ZNF827: variants seen among roughly 807,000 people sequenced by gnomAD.
The protein encoded by ZNF827 is zinc finger protein 827.
A neutral mutation model predicts 102.4 loss-of-function variants in ZNF827; 13 were observed. The ratio of observed to expected loss-of-function variants is 0.13; its 90% CI spans 0.08 to 0.20. ZNF827 has a LOEUF of 0.20. ZNF827 is among the 10% of genes least tolerant of loss of function. The pLI, the probability that ZNF827 is intolerant of heterozygous loss-of-function variation, is 1.00. For missense variants in ZNF827, 1,103 were observed against 1,344.4 expected, an observed-to-expected ratio of 0.82 and a Z score of 2.81; for synonymous variants, 523 against 536.2, an observed-to-expected ratio of 0.98 and a Z score of 0.34.
intron 3 of ZNF827, among the ~76,000 whole-genome samples, chr4:145,890,115 G>A (rs1223738350): frequency 1.3e-5 from 2 of 151,890 alleles, no homozygotes; most frequent in Admixed American, 6.6e-5. Flanking sequence ...CAAAATTAAA[G>A]TATTTTAACC....
chr4:145,902,436 C>T lies in ZNF827; in HGVS notation c.823G>A (p.Ala275Thr), dbSNP rs1297149355. 1 of 1,614,152 alleles carries T rather than the reference C, an allele frequency of 6.2e-7. No homozygotes were observed. The highest frequency in any genetic ancestry group is 2.2e-5 in the East Asian group (1 of 44,880). The change falls in exon 2 of 15, where the codon GCC becomes ACC. Residue 275 changes from alanine to threonine, a missense_variant. Physicochemically the swap from Ala to Thr is moderately conservative, Grantham distance 58. Coordinates refer to ENST00000508784, the MANE Select transcript of ZNF827 (RefSeq NM_001306215.2). The surrounding 1 kb of genome is among the most constrained non-coding windows in gnomAD (Gnocchi z 4.3). ...GAAGCCAGGGAAAGGAAGGAGCTGGCCGGTGGAGGGTGCTCCTGACCAGGA... is the reference window on the plus strand; with the variant it reads ...GAAGCCAGGGAAAGGAAGGAGCTGGTCGGTGGAGGGTGCTCCTGACCAGGA... ...LTPGQEHPPPASSFLSLASMT... is the reference protein window; with the variant it reads ...LTPGQEHPPPTSSFLSLASMT...
intron 7 of ZNF827, among the ~76,000 whole-genome samples, chr4:145,835,733 A>G (rs1744771691): frequency 8.4e-6 from 1 of 118,420 alleles, no homozygotes; most frequent in Non-Finnish European, 1.7e-5. Flanking sequence ...ACTCAACGCC[A>G]GTATCCCATC....
chr4:145,935,096 C>G (rs1011759884), intron 1 of ZNF827, among the ~76,000 whole-genome samples: 3 of 152,124 alleles, frequency 2.0e-5, no homozygotes, highest in Non-Finnish European at 4.4e-5. Flanking sequence ...CTTTTAGAGT[C>G]AACTTTTAAA....
intron 5 of ZNF827, among the ~76,000 whole-genome samples, chr4:145,856,979 GCGCACGCACA>G (rs1275117276): frequency 2.0e-5 from 2 of 100,260 alleles, no homozygotes; most frequent in Non-Finnish European, 4.0e-5. Flanking sequence ...GCGCGCGCAC[GCGCACGCACA>G]CACACACACA....
chr4:145,776,789 C>A (rs2126955454), intron 9 of ZNF827, among the ~76,000 whole-genome samples: 1 of 152,256 alleles, frequency 6.6e-6, no homozygotes, highest in South Asian at 2.1e-4. Flanking sequence ...GGAAAAAATG[C>A]TGTGTGAAAT....
chr4:145,820,880 A>G (rs947875628), intron 8 of ZNF827, among the ~76,000 whole-genome samples: 2 of 152,230 alleles, frequency 1.3e-5, no homozygotes, highest in African/African-American at 4.8e-5. Context: ...GAAATGTTCT[A>G]TAAGAACCCA....
intron 8 of ZNF827, among the ~76,000 whole-genome samples, chr4:145,810,610 T>C (rs762537154): frequency 2.8e-4 from 43 of 152,374 alleles, no homozygotes; most frequent in Non-Finnish European, 5.1e-4. Context: ...AGCTATTATG[T>C]ACACATAAAT....
chr4:145,850,816 G>A (rs1746454280), intron 5 of ZNF827, among the ~76,000 whole-genome samples: 1 of 152,190 alleles, frequency 6.6e-6, no homozygotes, highest in Admixed American at 6.5e-5. Flanking sequence ...AGAGTAGTGG[G>A]TTGAATTGTG....
At chr4:145,931,915 C>T (rs1753836003) in intron 1 of ZNF827, among the ~76,000 whole-genome samples, 1 of 152,172 alleles carries the variant, frequency 6.6e-6, no homozygotes, top group Admixed American at 6.5e-5. Flanking sequence ...TGGTGTCCCC[C>T]CCAAATTCAT....
At chr4:145,878,220 A>G (rs1276679072) in intron 4 of ZNF827, among the ~76,000 whole-genome samples, 1 of 152,138 alleles carries the variant, frequency 6.6e-6, no homozygotes, top group Non-Finnish European at 1.5e-5. Context: ...CCAAAGGCCC[A>G]CCTCTTTACA....
chr4:145,817,404 A>T (rs1742694697), intron 8 of ZNF827, among the ~76,000 whole-genome samples: 2 of 152,224 alleles, frequency 1.3e-5, no homozygotes, highest in Admixed American at 1.3e-4. Flanking sequence ...CTATAAAAAT[A>T]CTACCAGAGA....
chr4:145,867,440 T>A (rs182525356), intron 5 of ZNF827, among the ~76,000 whole-genome samples: 42 of 152,338 alleles, frequency 2.8e-4, no homozygotes, highest in African/African-American at 9.4e-4. Context: ...GTCTCCATCC[T>A]TAAGGAGTTA....
At chr4:145,931,443 C>A (rs1470699638) in intron 1 of ZNF827, among the ~76,000 whole-genome samples, 1 of 152,220 alleles carries the variant, frequency 6.6e-6, no homozygotes, top group Non-Finnish European at 1.5e-5. Flanking sequence ...TCACATCCTA[C>A]CATAACTAGG....
At chr4:145,845,902 C>G in intron 7 of ZNF827, 54 bp downstream of exon 7, 1 of 1,580,238 alleles carries the variant, frequency 6.3e-7, no homozygotes, top group Non-Finnish European at 8.7e-7. Context: ...ACATGTAGTA[C>G]GGGCTGGTGG....
chr4:145,819,855 A>G (rs1440135155), intron 8 of ZNF827: 1 of 152,246 alleles, frequency 6.6e-6, no homozygotes, highest in Non-Finnish European at 1.5e-5. Context: ...TAACATGAGC[A>G]TTCTTTAGTT....
chr4:145,925,662 C>T (rs1207412882), intron 1 of ZNF827, among the ~76,000 whole-genome samples: 1 of 152,222 alleles, frequency 6.6e-6, no homozygotes, highest in Admixed American at 6.5e-5. Flanking sequence ...CGCCACACAC[C>T]TCTACTCCCA....
intron 8 of ZNF827, among the ~76,000 whole-genome samples, chr4:145,809,347 C>G (rs1255874512): frequency 6.6e-6 from 1 of 152,208 alleles, no homozygotes; most frequent in Non-Finnish European, 1.5e-5. Flanking sequence ...TGCTTCTGGC[C>G]TCACAGACTG....
Position 145,938,557 on chromosome 4 carries a change from T to A in ZNF827, c.-150A>T. ...GAAACCCCTTCTCCGGTGTGTGCAA[T>A]GGGTTGAAGCTTGTTTCCTGGAGCC... is the stretch of plus-strand genomic sequence containing the variant. On this transcript the variant is annotated 5_prime_UTR_variant, in exon 1 of 15. Coordinates refer to ENST00000508784, the MANE Select transcript of ZNF827 (RefSeq NM_001306215.2). The A allele has an allele frequency of 1.6e-6, 1 of 611,198 alleles. No homozygotes were observed. Among genetic ancestry groups the A allele is most frequent in the Non-Finnish European group, 2.9e-6 (1 of 346,128 alleles). 37.9% of individuals were successfully genotyped at this position (611,198 alleles called of 1,614,324 possible).
chr4:145,848,340 C>T (rs1187287371), intron 6 of ZNF827, among the ~76,000 whole-genome samples: 1 of 152,204 alleles, frequency 6.6e-6, no homozygotes, highest in Non-Finnish European at 1.5e-5. Flanking sequence ...CTGATAATTA[C>T]ACAGCTATGG....
Sources: gnomAD v4.1 joint callset for allele counts (sites outside exome capture counted in the v4.1 genomes callset) on GRCh38, gnomAD v4.1.1 for gene constraint, Gnocchi (gnomAD v3.1) non-coding constraint, MANE v1.5 for transcripts, NCBI Gene and HGNC (gene_info 2026-07-23, HGNC 2026-07-21) for gene names.